Variants in NCR2 observed in about 807,000 individuals in gnomAD.
NCR2 encodes NK cell activating receptor (NKp44).
In NCR2, 35 loss-of-function variants were observed where a neutral mutation model predicts 30.7. The observed-to-expected ratio is 1.14, with a 90% CI of 0.87 to 1.51. The LOEUF is 1.51. Among genes scored for constraint, NCR2 ranks in the 40% most tolerant of loss-of-function variants. NCR2 has a pLI of 0.00. For missense variants in NCR2, 316 were observed against 328.9 expected, an observed-to-expected ratio of 0.96 and a Z score of 0.30; for synonymous variants, 146 against 134.8, an observed-to-expected ratio of 1.08 and a Z score of -0.58.
At chr6:41,340,337 A>G (rs1769138699) in intron 2 of NCR2, among the ~76,000 whole-genome samples, 1 of 151,756 alleles carries the variant, frequency 6.6e-6, no homozygotes, top group Non-Finnish European at 1.5e-5. Flanking sequence ...AATTTTTTGT[A>G]TTTTAGTAGA....
chr6:41,335,936 G>A lies in NCR2; in HGVS notation c.52+8G>A. 1.3e-6 allele frequency: 2 copies of A among 1,571,310 alleles called. No individual in the cohort carries two copies. The highest frequency in any genetic ancestry group is 1.4e-5 in the African/African-American group (1 of 73,990). On this transcript the variant is annotated splice_region_variant and intron_variant, in intron 1 of 4. Transcript: ENST00000373089. ...TGCTGCTGCTGTTCCCAGGTGAGGG[G>A]GAGGAGGAGCCCAGGGAGCAGAGGA...
At chr6:41,336,848 G>A (rs781167995) in intron 2 of NCR2, among the ~76,000 whole-genome samples, 7 of 152,014 alleles carry the variant, frequency 4.6e-5, no homozygotes, top group Admixed American at 6.6e-5. Flanking sequence ...AGTCCAGATC[G>A]GGGACTAAGA....
intron 4 of NCR2, among the ~76,000 whole-genome samples, chr6:41,349,321 C>T (rs1338711112): frequency 6.6e-6 from 1 of 151,992 alleles, no homozygotes; most frequent in East Asian, 1.9e-4. Context: ...TCTTTGACCT[C>T]TGCTCCTGAC....
chr6:41,347,815 G>C (rs1769338891), intron 4 of NCR2, among the ~76,000 whole-genome samples: 1 of 152,316 alleles, frequency 6.6e-6, no homozygotes, highest in South Asian at 2.1e-4. Flanking sequence ...TCGCAGTCAG[G>C]ATGTCAGCAA....
intron 2 of NCR2, among the ~76,000 whole-genome samples, chr6:41,337,931 A>T (rs1769076189): frequency 6.6e-6 from 1 of 152,206 alleles, no homozygotes; most frequent in African/African-American, 2.4e-5. Context: ...AATTCAAAAC[A>T]TGCTATCAAA....
At chr6:41,350,375 A>G (rs1398795557) in intron 4 of NCR2, among the ~76,000 whole-genome samples, 1 of 152,160 alleles carries the variant, frequency 6.6e-6, no homozygotes, top group Non-Finnish European at 1.5e-5. Flanking sequence ...AAGACAGATA[A>G]TAGTGTGTGG....
intron 4 of NCR2, among the ~76,000 whole-genome samples, chr6:41,346,222 A>G (rs1409788517): frequency 2.0e-5 from 3 of 152,180 alleles, no homozygotes. Flanking sequence ...GACAAGATCT[A>G]CATGAATGAT....
rs750521269 is a variant in NCR2 at position 41,341,914 on chromosome 6, T to C, written c.515T>C (p.Ile172Thr). 20 of 1,613,856 alleles carry C rather than the reference T, an allele frequency of 1.2e-5. 1 individual carries two copies. In the South Asian group the frequency reaches 1.9e-4, roughly 15 times the overall value. ...CAAGCCCCTGAGTCTCCATCTACCA[T>C]CCCTGTCCCTTCACAGTGAGTTTCG... ...ARQAPESPST[I>T]PVPSQPQNST... is the part of the protein sequence containing the mutation. Residue 172 changes from isoleucine to threonine, a missense_variant, in exon 3 of 5, where the codon ATC (isoleucine) becomes ACC (threonine). Ile to Thr is a moderately conservative substitution (Grantham distance 89). Transcript: ENST00000373089.
intron 4 of NCR2, among the ~76,000 whole-genome samples, chr6:41,344,864 G>A (rs1279185330): frequency 1.3e-5 from 2 of 152,212 alleles, no homozygotes; most frequent in African/African-American, 4.8e-5. Context: ...CAGGCGGATT[G>A]GGCGGGAGTA....
In NCR2 at chr6:41,335,838, C is replaced by T. The variant is rs1407303260; in HGVS notation, c.-39C>T. The T allele has an allele frequency of 8.4e-6, 13 of 1,552,096 alleles. No homozygotes were observed. Among genetic ancestry groups the T allele is most frequent in the Non-Finnish European group, 1.1e-5 (13 of 1,145,782 alleles). ...CCAATTCCCTCTCCCCAGTCTTCTC[C>T]AGGTGTCCCCTCCCATGAGCGCACA... On this transcript the variant is annotated 5_prime_UTR_variant, in exon 1 of 5. Transcript: ENST00000373089.
chr6:41,346,086 C>T (rs1243918018), intron 4 of NCR2, among the ~76,000 whole-genome samples: 4 of 152,182 alleles, frequency 2.6e-5, no homozygotes, highest in Admixed American at 2.6e-4. Flanking sequence ...TGGGTGACCA[C>T]CCATCATCAC....
intron 4 of NCR2, among the ~76,000 whole-genome samples, chr6:41,343,189 T>C (rs1013842403): frequency 6.6e-6 from 1 of 152,262 alleles, no homozygotes; most frequent in Non-Finnish European, 1.5e-5. Context: ...TCACCCTCAG[T>C]TTGCACTGCG....
At chr6:41,345,658 G>A (rs1769282776) in intron 4 of NCR2, among the ~76,000 whole-genome samples, 2 of 151,902 alleles carry the variant, frequency 1.3e-5, no homozygotes, top group South Asian at 4.2e-4. Flanking sequence ...TTATATCCCT[G>A]TTCACTCTAG....
At position 41,342,139 on chromosome 6, in the gene NCR2, C is replaced by G; in HGVS notation, c.634C>G (p.Leu212Val). The change falls in exon 4 of 5, where the codon CTC becomes GTC. Residue 212 changes from leucine (L) to valine (V), a missense_variant. Transcript: ENST00000373089. ...CAAGAGCCTGGTGCTGTCAGCCCTG[C>G]TCGTCTGGTGGTGAGTGTGGTGTGG... ...VAKSLVLSALLVWWGDIWWKT... is the reference protein window; with the variant it reads ...VAKSLVLSALVVWWGDIWWKT... 2 of 1,612,976 alleles carry G rather than the reference C, an allele frequency of 1.2e-6. No individual in the cohort carries two copies. The highest frequency in any genetic ancestry group is 8.5e-7 in the Non-Finnish European group (1 of 1,179,994).
At chr6:41,349,965 C>T (rs1209217311) in intron 4 of NCR2, among the ~76,000 whole-genome samples, 1 of 152,192 alleles carries the variant, frequency 6.6e-6, no homozygotes, top group Non-Finnish European at 1.5e-5. Flanking sequence ...CAAGAAGAAA[C>T]CAGGTAGCAC....
chr6:41,342,782 G>A (rs1374662400), intron 4 of NCR2: 5 of 693,016 alleles, frequency 7.2e-6, no homozygotes, highest in Non-Finnish European at 1.3e-5. Context: ...AACCATAGGT[G>A]GGGCTGAGTG....
Position 41,342,071 on chromosome 6 carries a change from C to T in NCR2, c.566C>T (p.Ala189Val). 2 of 1,613,856 alleles carry T rather than the reference C, an allele frequency of 1.2e-6. No individual in the cohort carries two copies. The highest frequency in any genetic ancestry group is 1.1e-5 in the South Asian group (1 of 91,088). Residue 189 changes from alanine (A) to valine (V), a missense_variant, in exon 4 of 5, where the codon GCC becomes GTC. Coordinates refer to ENST00000373089, the MANE Select transcript of NCR2 (RefSeq NM_004828.4). ...TCCACGCTCCGCCCTGGCCCTGCAG[C>T]CCCCATTGCCCTGGTGCCTGTGTTC... ...QNSTLRPGPA[A>V]PIALVPVFCG...
intron 4 of NCR2, among the ~76,000 whole-genome samples, chr6:41,349,460 G>A (rs1769380159): frequency 6.6e-6 from 1 of 152,082 alleles, no homozygotes; most frequent in African/African-American, 2.4e-5. Context: ...CTTGGATGGG[G>A]GCTGGTCACC....
intron 2 of NCR2, 22 bp from the exon 3 acceptor site, chr6:41,341,772 C>A: frequency 1.3e-6 from 2 of 1,599,982 alleles, no homozygotes; most frequent in Non-Finnish European, 1.7e-6. Flanking sequence ...TCACTAACCA[C>A]GCTCTTTCTC....
Sources: gnomAD v4.1 joint callset for allele counts (sites outside exome capture counted in the v4.1 genomes callset) on GRCh38, gnomAD v4.1.1 for gene constraint, MANE v1.5 for transcripts, NCBI Gene and HGNC (gene_info 2026-07-23, HGNC 2026-07-21) for gene names.